The following SLC14A2 variants were observed in gnomAD, a reference collection of about 807,000 sequenced individuals.
SLC14A2 encodes the protein urea transporter 2.
SLC14A2 carries 91 observed loss-of-function variants against 104.6 expected under a neutral mutation model. That is an observed-to-expected ratio of 0.87 (90% CI 0.73 to 1.04). The LOEUF (loss-of-function observed/expected upper bound fraction) is 1.04, where lower values mean the gene tolerates loss of function less well. SLC14A2 is among the 50% of genes least tolerant of loss of function. The pLI is 0.00. For synonymous variants in SLC14A2, 476 were observed against 466.4 expected (o/e 1.02, Z -0.27); for missense variants, 1,189 against 1,156.0 (o/e 1.03, Z -0.41).
At chr18:45,357,475 C>T (rs904939106) in intron 1 of SLC14A2, among the ~76,000 whole-genome samples, 3 of 151,910 alleles carry the variant, frequency 2.0e-5, no homozygotes, top group South Asian at 2.1e-4. Flanking sequence ...GTTAGCTGGG[C>T]GTGGTGGCAC....
chr18:45,540,176 G>T (rs2043864612), intron 2 of SLC14A2, among the ~76,000 whole-genome samples: 1 of 152,008 alleles, frequency 6.6e-6, no homozygotes, highest in Non-Finnish European at 1.5e-5. Flanking sequence ...AGATTTAATG[G>T]CAGGGTAAGG....
intron 1 of SLC14A2, among the ~76,000 whole-genome samples, chr18:45,437,100 G>A (rs960298535): frequency 1.3e-5 from 2 of 152,188 alleles, no homozygotes; most frequent in Non-Finnish European, 2.9e-5. Context: ...AGATGTACGC[G>A]CTAATGGACG....
chr18:45,432,973 G>T (rs1319964470), intron 1 of SLC14A2, among the ~76,000 whole-genome samples: 1 of 152,140 alleles, frequency 6.6e-6, no homozygotes, highest in African/African-American at 2.4e-5. Flanking sequence ...TGCCACCACA[G>T]ATTTGCTAAC....
chr18:45,573,558 G>T (rs555642459), intron 2 of SLC14A2, among the ~76,000 whole-genome samples: 14 of 151,992 alleles, frequency 9.2e-5, no homozygotes, highest in Non-Finnish European at 1.9e-4. Flanking sequence ...ATGTTCAAAG[G>T]GGCTGAAATG....
intron 1 of SLC14A2, among the ~76,000 whole-genome samples, chr18:45,226,870 A>G (rs537865420): frequency 2.8e-4 from 42 of 151,928 alleles, no homozygotes; most frequent in African/African-American, 9.7e-4. Flanking sequence ...TGTCACTTAA[A>G]TAGATAGAAG....
intron 6 of SLC14A2, 61 bp downstream of exon 6, chr18:45,637,243 A>G: frequency 1.4e-6 from 2 of 1,392,044 alleles, no homozygotes; most frequent in Non-Finnish European, 2.0e-6. Flanking sequence ...CTTCTCGCCA[A>G]CCAATTTGTG....
rs117258671 is a variant in SLC14A2, at chr18:45,539,683, C to T, written c.-35+56361C>T. Among the ~76,000 whole-genome samples the T allele has an allele frequency of 6.2e-3, 949 of 152,238 alleles. 5 individuals carry two copies. Among genetic ancestry groups the T allele is most frequent in the Non-Finnish European group, 7.5e-3 (512 of 68,014 alleles). On this transcript the variant is annotated intron_variant, in intron 2 of 20. Transcript: ENST00000586448. ...TCCCCTTGCCCCCATGGTGTCATTT[C>T]CAAATCCATTACATTCCAATGGCTT...
At chr18:45,536,802 A>G (rs973267166) in intron 2 of SLC14A2, among the ~76,000 whole-genome samples, 3 of 152,202 alleles carry the variant, frequency 2.0e-5, no homozygotes, top group African/African-American at 7.2e-5. Flanking sequence ...TGTAAGGGCA[A>G]TGAAACTGGG....
chr18:45,292,163 A>G (rs975772176), intron 1 of SLC14A2, among the ~76,000 whole-genome samples: 1 of 152,236 alleles, frequency 6.6e-6, no homozygotes, highest in African/African-American at 2.4e-5. Context: ...GCTCTAATTG[A>G]CATGAAGTGC....
chr18:45,635,660 G>T (rs1026118057), intron 5 of SLC14A2, among the ~76,000 whole-genome samples: 1 of 152,190 alleles, frequency 6.6e-6, no homozygotes, highest in African/African-American at 2.4e-5. Flanking sequence ...CAACCATTTC[G>T]AGGGCTACTG....
At chr18:45,455,919 G>A (rs190498050) in intron 1 of SLC14A2, among the ~76,000 whole-genome samples, 13 of 152,248 alleles carry the variant, frequency 8.5e-5, no homozygotes, top group Admixed American at 7.8e-4. Flanking sequence ...GGTTGTGAAG[G>A]GATTTCTGGT....
chr18:45,661,591 G>A (rs373458397), intron 10 of SLC14A2, among the ~76,000 whole-genome samples: 1 of 152,228 alleles, frequency 6.6e-6, no homozygotes, highest in African/African-American at 2.4e-5. Flanking sequence ...AAGGTGAACT[G>A]TGATCTTGAA....
intron 1 of SLC14A2, among the ~76,000 whole-genome samples, chr18:45,231,782 G>A (rs915214301): frequency 1.1e-4 from 16 of 152,206 alleles, no homozygotes; most frequent in Non-Finnish European, 2.1e-4. Context: ...TGCGTATGAG[G>A]AATTTGGTAG....
At chr18:45,377,373 C>G (rs886714406) in intron 1 of SLC14A2, among the ~76,000 whole-genome samples, 1 of 152,066 alleles carries the variant, frequency 6.6e-6, no homozygotes, top group Non-Finnish European at 1.5e-5. Context: ...ACATTGGCAT[C>G]TACTCCAATG....
intron 1 of SLC14A2, among the ~76,000 whole-genome samples, chr18:45,249,531 A>G (rs908587539): frequency 2.0e-5 from 3 of 152,178 alleles, no homozygotes; most frequent in Admixed American, 6.5e-5. Context: ...ATTTCAATGA[A>G]TGTGTGGTCT....
chr18:45,236,740 T>C (rs1226092727), intron 1 of SLC14A2, among the ~76,000 whole-genome samples: 1 of 152,040 alleles, frequency 6.6e-6, no homozygotes, highest in Admixed American at 6.6e-5. Flanking sequence ...TACATATCTC[T>C]CTTAAACATT....
intron 18 of SLC14A2, among the ~76,000 whole-genome samples, chr18:45,677,914 G>T (rs962361240): frequency 5.3e-5 from 8 of 152,156 alleles, no homozygotes; most frequent in Non-Finnish European, 1.2e-4. Flanking sequence ...AAACTTCCGG[G>T]CTCAAGCCAT....
chr18:45,305,981 A>C (rs1309781481), intron 1 of SLC14A2, among the ~76,000 whole-genome samples: 4 of 152,246 alleles, frequency 2.6e-5, no homozygotes, highest in African/African-American at 7.2e-5. Flanking sequence ...TAATGCTTGC[A>C]GTAATGCATA....
At chr18:45,421,156 GA>G (rs1555684851) in intron 1 of SLC14A2, among the ~76,000 whole-genome samples, 13 of 152,022 alleles carry the variant, frequency 8.6e-5, no homozygotes, top group Non-Finnish European at 1.2e-4. Flanking sequence ...AGTGAATCAA[GA>G]ACCTAAAATG....
Sources: gnomAD v4.1 joint callset for allele counts (sites outside exome capture counted in the v4.1 genomes callset) on GRCh38, gnomAD v4.1.1 for gene constraint, MANE v1.5 for transcripts, NCBI Gene and HGNC (gene_info 2026-07-23, HGNC 2026-07-21) for gene names.